The following VCL variants were observed in gnomAD, a reference collection of about 807,000 sequenced individuals.
VCL encodes vinculin.
A neutral mutation model predicts 125.7 loss-of-function variants in VCL; 47 were observed. The observed-to-expected ratio is 0.37, with a 90% confidence interval of 0.30 to 0.48. VCL has a LOEUF of 0.48. Ranked by LOEUF, VCL falls within the 20% of genes least tolerant of loss-of-function variation. The probability of loss-of-function intolerance (pLI) is 0.99; values close to 1 mark genes in which losing one functional copy is unlikely to be tolerated. For synonymous variants in VCL, 458 were observed against 514.6 expected, an observed-to-expected ratio of 0.89 and a Z score of 1.49; for missense variants, 1,069 against 1,455.5, an observed-to-expected ratio of 0.73 and a Z score of 4.32.
At chr10:74,072,913 G>A (rs895183885) in intron 5 of VCL, 61 bp downstream of exon 5, 1 of 1,604,254 alleles carries the variant, frequency 6.2e-7, no homozygotes, top group Non-Finnish European at 8.5e-7. Context: ...TCTAAACTCT[G>A]AGGTTCATTT....
intron 1 of VCL, among the ~76,000 whole-genome samples, chr10:74,024,689 T>A (rs369727685): frequency 6.6e-6 from 1 of 151,394 alleles, no homozygotes; most frequent in East Asian, 1.9e-4. Flanking sequence ...AAATGGGGGG[T>A]CTACAGTGTT....
chr10:74,118,512 G>T lies in VCL; in HGVS notation c.*343G>T. The T allele has an allele frequency of 2.9e-6, 1 of 340,368 alleles. No homozygotes were observed. The highest frequency in any genetic ancestry group is 2.7e-5 in the South Asian group (1 of 36,952). The allele number at this position is 340,368 out of a possible 1,614,324, so 21.1% of individuals were successfully genotyped here. ...CTCTGCTCTGCCCTTGTTCCCTAGG[G>T]GACACTTCCCTCTGTTTCTCTTTCC... On this transcript the variant is annotated 3_prime_UTR_variant, in exon 22 of 22. Transcript: ENST00000211998.
chr10:74,089,370 G>C, intron 9 of VCL, 21 bp downstream of exon 9: 1 of 1,613,162 alleles, frequency 6.2e-7, no homozygotes, highest in Non-Finnish European at 8.5e-7. Flanking sequence ...TGATTTTCAG[G>C]AGGGGTGGGA....
intron 1 of VCL, among the ~76,000 whole-genome samples, chr10:74,010,767 T>G (rs1840419035): frequency 6.6e-6 from 1 of 152,206 alleles, no homozygotes; most frequent in Admixed American, 6.5e-5. Flanking sequence ...CTCTGCCATC[T>G]GGGGAGCTGT....
chr10:74,091,223 C>T lies in VCL; in HGVS notation c.1352+1025C>T, dbSNP rs529005383. On this transcript the variant is annotated intron_variant, in intron 10 of 21. Coordinates refer to ENST00000211998, the MANE Select transcript of VCL (RefSeq NM_014000.3). ...AAGTTGCTCTCTATACTCTTAGGAC[C>T]TAATGGAAGTCCATATACATACTAG... Among the ~76,000 whole-genome samples the T allele has an allele frequency of 3.3e-5, 5 of 152,256 alleles. No individual in the cohort carries two copies. In the East Asian group the frequency reaches 9.6e-4, roughly 29 times the overall value.
intron 1 of VCL, among the ~76,000 whole-genome samples, chr10:74,017,557 CTTTT>C (rs956763044): frequency 1.1e-5 from 1 of 94,250 alleles, no homozygotes; most frequent in Non-Finnish European, 2.2e-5. Flanking sequence ...TTCTTTCTTT[CTTTT>C]TTTTTTTTTG....
chr10:74,072,436 G>A (rs1281599593), intron 4 of VCL, among the ~76,000 whole-genome samples: 1 of 151,726 alleles, frequency 6.6e-6, no homozygotes, highest in African/African-American at 2.4e-5. Flanking sequence ...TCCCTTACCT[G>A]TGAATTTCTT....
chr10:74,072,241 C>A (rs1841672142), intron 4 of VCL, among the ~76,000 whole-genome samples: 1 of 152,018 alleles, frequency 6.6e-6, no homozygotes, highest in African/African-American at 2.4e-5. Context: ...AAAACTAGTA[C>A]ATGCTTATTT....
chr10:74,094,280 A>G lies in VCL; in HGVS notation c.1362A>G (p.Gly454=). 1 of 1,614,136 alleles carries G rather than the reference A, an allele frequency of 6.2e-7. No individual in the cohort carries two copies. Among genetic ancestry groups the G allele is most frequent in the Non-Finnish European group, 8.5e-7 (1 of 1,180,028 alleles). The stretch of plus-strand genomic sequence containing the variant: ...GTCTTTTTCTCTGTAGGGGGAAAGG[A>G]GATTCTCCAGAGGCTCGAGCCTTGG... ...KLADLRRQGK[G]DSPEARALAK... The change falls in exon 11 of 22, where the codon GGA becomes GGG. Residue 454 remains glycine (G), a synonymous_variant. Transcript: ENST00000211998.
chr10:74,080,557 T>C (rs886083120), intron 6 of VCL, among the ~76,000 whole-genome samples: 1 of 152,226 alleles, frequency 6.6e-6, no homozygotes, highest in Non-Finnish European at 1.5e-5. Flanking sequence ...TAGCCTTTAA[T>C]GTTAGAGTAG....
intron 5 of VCL, 146 bp from the exon 6 acceptor site, chr10:74,074,597 A>G: frequency 1.1e-6 from 1 of 889,996 alleles, no homozygotes; most frequent in Non-Finnish European, 1.7e-6. Flanking sequence ...TTGGAACTTT[A>G]TTGTCAAACT....
chr10:74,059,316 A>G, intron 2 of VCL, among the ~76,000 whole-genome samples: 1 of 151,612 alleles, frequency 6.6e-6, no homozygotes, highest in Non-Finnish European at 1.5e-5. Context: ...AGATCGCACC[A>G]CTGCACTCCA....
In VCL at chr10:74,097,461, C is replaced by A; in HGVS notation, c.1872+129C>A. ...GTAGATGAAGGGTGGAAGAGCAGAACAGGGAAAGCCCTACCACCTCTACTT... is the reference window on the plus strand; with the variant it reads ...GTAGATGAAGGGTGGAAGAGCAGAAAAGGGAAAGCCCTACCACCTCTACTT... On this transcript the variant is annotated intron_variant, in intron 13 of 21. Coordinates refer to ENST00000211998, the MANE Select transcript of VCL (RefSeq NM_014000.3). The surrounding 1 kb of genome is among the most constrained non-coding windows in gnomAD (Gnocchi z 4.1). The A allele has an allele frequency of 1.5e-6, 2 of 1,375,228 alleles. No individual in the cohort carries two copies. Among genetic ancestry groups the A allele is most frequent in the Non-Finnish European group, 1.0e-6 (1 of 986,794 alleles). The allele number at this position is 1,375,228 out of a possible 1,614,324, so 85.2% of individuals were successfully genotyped here.
chr10:74,104,581 A>G (rs998623834), intron 15 of VCL, among the ~76,000 whole-genome samples: 2 of 152,134 alleles, frequency 1.3e-5, no homozygotes, highest in Non-Finnish European at 2.9e-5. Flanking sequence ...AGGTGTCTGA[A>G]GAGAGGTAAC....
chr10:74,041,132 G>A (rs1489373466), intron 1 of VCL, among the ~76,000 whole-genome samples: 1 of 152,042 alleles, frequency 6.6e-6, no homozygotes, highest in Admixed American at 6.6e-5. Context: ...TGATAAGTGT[G>A]CACCACTGTG....
chr10:74,101,236 G>T, intron 14 of VCL, 139 bp downstream of exon 14: 1 of 1,276,506 alleles, frequency 7.8e-7, no homozygotes, highest in South Asian at 1.3e-5. Context: ...CTATAATTCC[G>T]GCACTTTGGG....
intron 18 of VCL, among the ~76,000 whole-genome samples, chr10:74,109,891 A>T (rs1840193626): frequency 6.6e-6 from 1 of 152,074 alleles, no homozygotes; most frequent in Admixed American, 6.5e-5. Flanking sequence ...ATGACCCTAG[A>T]TCTTTTTTTT....
At chr10:74,012,649 A>G (rs761698706) in intron 1 of VCL, among the ~76,000 whole-genome samples, 3 of 152,174 alleles carry the variant, frequency 2.0e-5, no homozygotes, top group Non-Finnish European at 4.4e-5. Context: ...CGAGACTGGT[A>G]TGGTATGAGA....
intron 1 of VCL, among the ~76,000 whole-genome samples, chr10:74,009,082 C>G (rs1419179709): frequency 6.6e-6 from 1 of 151,950 alleles, no homozygotes; most frequent in Non-Finnish European, 1.5e-5. Context: ...AAGGACGTCC[C>G]ATTGAAAGCT....
Sources: gnomAD v4.1 joint callset for allele counts (sites outside exome capture counted in the v4.1 genomes callset) on GRCh38, gnomAD v4.1.1 for gene constraint, Gnocchi (gnomAD v3.1) non-coding constraint, MANE v1.5 for transcripts, NCBI Gene and HGNC (gene_info 2026-07-23, HGNC 2026-07-21) for gene names.